Variants in SORCS2 observed in about 807,000 individuals in gnomAD.
SORCS2 encodes the protein sortilin related VPS10 domain containing receptor 2.
Under a neutral mutation model 141.6 loss-of-function variants are expected in SORCS2, and 100 were observed. That is an observed-to-expected ratio of 0.71 (90% CI 0.60 to 0.83). The LOEUF is 0.83. SORCS2 is among the 40% of genes least tolerant of loss of function. SORCS2 has a pLI of 0.00. For missense variants in SORCS2, 1,646 were observed against 1,560.2 expected (o/e 1.05, Z -0.93); for synonymous variants, 789 against 676.9 (o/e 1.17, Z -2.57).
intron 1 of SORCS2, among the ~76,000 whole-genome samples, chr4:7,203,296 T>C (rs569509411): frequency 6.6e-6 from 1 of 152,352 alleles, no homozygotes; most frequent in Non-Finnish European, 1.5e-5. Flanking sequence ...TGATGGCACA[T>C]GCCTGTAATC....
intron 2 of SORCS2, among the ~76,000 whole-genome samples, chr4:7,494,613 C>T (rs1731503612): frequency 6.6e-6 from 1 of 152,350 alleles, no homozygotes; most frequent in East Asian, 1.9e-4. Flanking sequence ...ACCCTAATCA[C>T]CTCCCAAAGG....
rs183077840 is a variant in SORCS2 at position 7,697,602 on chromosome 4, A to G, written c.1668+328A>G. Among the ~76,000 whole-genome samples, 5 of 152,368 alleles carry G rather than the reference A, an allele frequency of 3.3e-5. No individual in the cohort carries two copies. In the East Asian group the frequency reaches 9.7e-4, roughly 29 times the overall value. ...CATCTGAGAAACGGGGATAAATGCC[A>G]GGGAACAGCACAGGGAGGAGGTCCC... On this transcript the variant is annotated intron_variant, in intron 12 of 26. Coordinates refer to ENST00000507866, the MANE Select transcript of SORCS2 (RefSeq NM_020777.3).
intron 1 of SORCS2, among the ~76,000 whole-genome samples, chr4:7,343,455 G>T (rs1720478051): frequency 6.6e-6 from 1 of 152,236 alleles, no homozygotes; most frequent in African/African-American, 2.4e-5. Flanking sequence ...CAGGCTTGGT[G>T]CAGGTGACGT....
intron 1 of SORCS2, among the ~76,000 whole-genome samples, chr4:7,394,067 G>A (rs962287768): frequency 4.6e-5 from 7 of 150,650 alleles, no homozygotes; most frequent in Admixed American, 2.0e-4. Context: ...AGCCAACGCC[G>A]CAGGAACCCA....
At chr4:7,425,142 C>A (rs780962294) in intron 2 of SORCS2, among the ~76,000 whole-genome samples, 1 of 152,224 alleles carries the variant, frequency 6.6e-6, no homozygotes, top group Non-Finnish European at 1.5e-5. Flanking sequence ...GCCTCAGATC[C>A]TCCCACACCA....
intron 1 of SORCS2, among the ~76,000 whole-genome samples, chr4:7,277,504 G>C (rs1308746042): frequency 6.6e-6 from 1 of 152,180 alleles, no homozygotes; most frequent in Non-Finnish European, 1.5e-5. Context: ...AACTTCTAGG[G>C]TCAGCAAGGT....
At chr4:7,587,319 T>C (rs142348881) in intron 3 of SORCS2, among the ~76,000 whole-genome samples, 82 of 152,304 alleles carry the variant, frequency 5.4e-4, no homozygotes, top group African/African-American at 1.9e-3. Flanking sequence ...TCTGTGATGT[T>C]GGCTGAACCT....
rs549471655 is a variant in SORCS2, at chr4:7,308,548, G to A, written c.481-87740G>A. 2.4e-4 allele frequency among the ~76,000 whole-genome samples: 37 copies of A among 152,236 alleles called. 1 individual carries two copies. The highest frequency in any genetic ancestry group is 8.9e-4 in the African/African-American group (37 of 41,530). The stretch of plus-strand genomic sequence containing the variant: ...AGACTGGCCTGTTACACTGAGCACT[G>A]GTGGGTTTGGTAACTTGAATGAAGG... On this transcript the variant is annotated intron_variant, in intron 1 of 26. Transcript: ENST00000507866.
At position 7,741,379 on chromosome 4, in the gene SORCS2, G is replaced by T. The variant is rs1712659688; in HGVS notation, c.*1115G>T. 3 of 329,818 alleles carry T rather than the reference G, an allele frequency of 9.1e-6. No individual in the cohort carries two copies. Among genetic ancestry groups the T allele is most frequent in the East Asian group, 8.9e-5 (2 of 22,448 alleles). 20.4% of individuals were successfully genotyped at this position (329,818 alleles called of 1,614,324 possible). Reference sequence around the variant, plus strand: ...ACCCAGCCCTCTGCGCGCCAGTGCTGTGCGGTCTCCACACCCTTACGGTTT... The same window carrying T: ...ACCCAGCCCTCTGCGCGCCAGTGCTTTGCGGTCTCCACACCCTTACGGTTT... On this transcript the variant is annotated 3_prime_UTR_variant, in exon 27 of 27. Transcript: ENST00000507866.
intron 1 of SORCS2, among the ~76,000 whole-genome samples, chr4:7,246,011 G>A (rs1292083058): frequency 2.6e-5 from 4 of 152,170 alleles, no homozygotes; most frequent in East Asian, 1.9e-4. Flanking sequence ...TTGCCTTGAT[G>A]CCTGGTTCTG....
At chr4:7,511,399 CAG>C (rs1355987634) in intron 2 of SORCS2, among the ~76,000 whole-genome samples, 2 of 109,948 alleles carry the variant, frequency 1.8e-5, no homozygotes, top group South Asian at 3.5e-4. Flanking sequence ...GAGATCCCTG[CAG>C]AGAGAGAGGG....
chr4:7,555,253 C>G (rs1281848456), intron 3 of SORCS2, among the ~76,000 whole-genome samples: 1 of 152,242 alleles, frequency 6.6e-6, no homozygotes, highest in African/African-American at 2.4e-5. Flanking sequence ...TTTTAATGGC[C>G]ACTTTCCCAA....
At chr4:7,439,569 C>A (rs1727524995) in intron 2 of SORCS2, among the ~76,000 whole-genome samples, 1 of 152,230 alleles carries the variant, frequency 6.6e-6, no homozygotes, top group Admixed American at 6.5e-5. Context: ...TTCCCAGTTA[C>A]TTGTCAATGA....
At chr4:7,698,256 A>G (rs1307544444) in intron 12 of SORCS2, among the ~76,000 whole-genome samples, 1 of 152,208 alleles carries the variant, frequency 6.6e-6, no homozygotes, top group Admixed American at 6.5e-5. Context: ...CTCCTTCCAG[A>G]CAAGACGTTC....
chr4:7,388,316 A>C (rs1300885409), intron 1 of SORCS2, among the ~76,000 whole-genome samples: 2 of 152,296 alleles, frequency 1.3e-5, no homozygotes, highest in Middle Eastern at 3.4e-3. Context: ...TCTTGGTAGA[A>C]TCTTAACCAG....
intron 8 of SORCS2, among the ~76,000 whole-genome samples, chr4:7,672,889 A>G (rs1325861971): frequency 6.6e-6 from 1 of 152,190 alleles, no homozygotes; most frequent in Non-Finnish European, 1.5e-5. Context: ...TCTAATAAAG[A>G]GAGCTTTTTC....
At chr4:7,675,544 C>T (rs1158204610) in intron 8 of SORCS2, among the ~76,000 whole-genome samples, 2 of 152,208 alleles carry the variant, frequency 1.3e-5, no homozygotes, top group Non-Finnish European at 1.5e-5. Context: ...GCACTCAGGG[C>T]CTTTCTAGGC....
At chr4:7,599,838 T>TTA (rs1397521879) in intron 3 of SORCS2, among the ~76,000 whole-genome samples, 1 of 150,846 alleles carries the variant, frequency 6.6e-6, no homozygotes, top group Non-Finnish European at 1.5e-5. Context: ...TTTTTTTTTT[T>TTA]ATTGAGACAG....
intron 3 of SORCS2, among the ~76,000 whole-genome samples, chr4:7,566,993 C>G (rs981350136): frequency 2.6e-5 from 4 of 152,254 alleles, no homozygotes; most frequent in Admixed American, 6.5e-5. Context: ...TGAGTGCTCT[C>G]TGTCACCCAG....
Sources: gnomAD v4.1 joint callset for allele counts (sites outside exome capture counted in the v4.1 genomes callset) on GRCh38, gnomAD v4.1.1 for gene constraint, MANE v1.5 for transcripts, NCBI Gene and HGNC (gene_info 2026-07-23, HGNC 2026-07-21) for gene names.